Variants in HSDL2 observed in about 807,000 individuals in gnomAD.
HSDL2 encodes the protein hydroxysteroid dehydrogenase-like protein 2.
A neutral mutation model predicts 46.3 loss-of-function variants in HSDL2; 27 were observed. The ratio of observed to expected loss-of-function variants is 0.58; its 90% CI spans 0.43 to 0.80. The LOEUF is 0.80. Ranked by LOEUF, HSDL2 falls within the 30% of genes least tolerant of loss-of-function variation. HSDL2 has a pLI of 0.00. For synonymous variants in HSDL2, 153 were observed against 163.6 expected (o/e 0.94, Z 0.50); for missense variants, 451 against 502.7 (o/e 0.90, Z 0.98).
At chr9:112,446,085 A>G (rs1832753412) in intron 8 of HSDL2, among the ~76,000 whole-genome samples, 1 of 147,894 alleles carries the variant, frequency 6.8e-6, no homozygotes, top group South Asian at 2.2e-4. Flanking sequence ...CCTGTGGCAC[A>G]TTATTTTTTT....
At chr9:112,442,160 T>G (rs1832652636) in intron 8 of HSDL2, among the ~76,000 whole-genome samples, 1 of 150,122 alleles carries the variant, frequency 6.7e-6, no homozygotes, top group African/African-American at 2.5e-5. Context: ...TCCCAGCTAC[T>G]CAGGAGGCTG....
chr9:112,415,059 C>G (rs1190291252), intron 4 of HSDL2, among the ~76,000 whole-genome samples: 1 of 151,892 alleles, frequency 6.6e-6, no homozygotes, highest in African/African-American at 2.4e-5. Flanking sequence ...ATAAATTAAG[C>G]TATAATATAT....
At chr9:112,438,680 A>G in intron 7 of HSDL2, 55 bp downstream of exon 7, 1 of 1,038,448 alleles carries the variant, frequency 9.6e-7, no homozygotes, top group Non-Finnish European at 1.4e-6. Context: ...ATTTTCTGCA[A>G]TGAACATATC....
intron 3 of HSDL2, among the ~76,000 whole-genome samples, chr9:112,408,282 C>G (rs1033975272): frequency 6.6e-6 from 1 of 152,006 alleles, no homozygotes; most frequent in Non-Finnish European, 1.5e-5. Context: ...GAGGGACAAC[C>G]AGGAGGTAAG....
intron 1 of HSDL2, among the ~76,000 whole-genome samples, chr9:112,387,550 A>G (rs1005836428): frequency 1.3e-5 from 2 of 152,070 alleles, no homozygotes; most frequent in Admixed American, 6.6e-5. Context: ...TGCTTTCACA[A>G]TTTAGTAGTT....
At position 112,470,693 on chromosome 9, in the gene HSDL2, G is replaced by A. The variant is rs1281234046; in HGVS notation, c.*149G>A. The A allele has an allele frequency of 7.8e-6, 4 of 515,890 alleles. No homozygotes were observed. The highest frequency in any genetic ancestry group is 1.4e-5 in the Non-Finnish European group (4 of 293,578). The allele number at this position is 515,890 out of a possible 1,614,324, so 32.0% of individuals were successfully genotyped here. ...GATAGAATTTGTCTCTAAAAGACTT[G>A]AAATTGTAATTAAAATGGCAAGCTA... On this transcript the variant is annotated 3_prime_UTR_variant, in exon 11 of 11. Transcript: ENST00000398805.
rs114855596 is a variant in HSDL2, at chr9:112,441,410, T to C, written c.794-289T>C. Reference sequence around the variant, plus strand: ...GGAAGAATGTGGGCCAGAAGAGCAGTGTAGGATGAGAAGGGCAGAGGTTCC... The same window carrying C: ...GGAAGAATGTGGGCCAGAAGAGCAGCGTAGGATGAGAAGGGCAGAGGTTCC... On this transcript the variant is annotated intron_variant, in intron 7 of 10. Coordinates refer to ENST00000398805, the MANE Select transcript of HSDL2 (RefSeq NM_032303.5). 6.9e-3 allele frequency among the ~76,000 whole-genome samples: 1,048 copies of C among 152,044 alleles called. 16 individuals carry two copies. The highest frequency in any genetic ancestry group is 0.024 in the African/African-American group (984 of 41,480).
intron 4 of HSDL2, among the ~76,000 whole-genome samples, chr9:112,415,959 T>A (rs1167219517): frequency 6.6e-6 from 1 of 151,998 alleles, no homozygotes; most frequent in Non-Finnish European, 1.5e-5. Flanking sequence ...ATACAAAACA[T>A]TAGCCGGACG....
intron 6 of HSDL2, among the ~76,000 whole-genome samples, chr9:112,428,318 C>G (rs1307382713): frequency 6.6e-6 from 1 of 152,234 alleles, no homozygotes; most frequent in Middle Eastern, 3.2e-3. Flanking sequence ...CCTTTCTTCC[C>G]TGGTCCTCAC....
chr9:112,387,300 A>G (rs910134216), intron 1 of HSDL2, among the ~76,000 whole-genome samples: 1 of 151,434 alleles, frequency 6.6e-6, no homozygotes, highest in Non-Finnish European at 1.5e-5. Flanking sequence ...GCTCACTGCA[A>G]CCTCCGTGTC....
chr9:112,407,368 G>A (rs1395420576), intron 3 of HSDL2, among the ~76,000 whole-genome samples: 1 of 152,142 alleles, frequency 6.6e-6, no homozygotes, highest in East Asian at 1.9e-4. Context: ...AGGACGTAAG[G>A]GGAGAAAGCT....
At chr9:112,388,120 C>T (rs763970034) in intron 1 of HSDL2, among the ~76,000 whole-genome samples, 37 of 151,298 alleles carry the variant, frequency 2.4e-4, no homozygotes, top group Non-Finnish European at 4.3e-4. Flanking sequence ...GATTGCACCA[C>T]TGTACTTCAG....
chr9:112,424,533 C>T (rs1431355231), intron 6 of HSDL2, among the ~76,000 whole-genome samples: 1 of 151,668 alleles, frequency 6.6e-6, no homozygotes, highest in Non-Finnish European at 1.5e-5. Flanking sequence ...TGCTTTACTG[C>T]ACTCTCCTCT....
chr9:112,414,432 T>G (rs1248725779), intron 4 of HSDL2, among the ~76,000 whole-genome samples: 2 of 152,202 alleles, frequency 1.3e-5, no homozygotes, highest in African/African-American at 4.8e-5. Flanking sequence ...AACGTAACTA[T>G]TTTATTCGGC....
chr9:112,406,093 G>A (rs891013019), intron 3 of HSDL2, among the ~76,000 whole-genome samples: 38 of 151,840 alleles, frequency 2.5e-4, no homozygotes, highest in African/African-American at 8.9e-4. Flanking sequence ...CCTGGGAGGT[G>A]GAGGTTGCAG....
In HSDL2 at chr9:112,390,072, A is replaced by G. The variant is rs1366929728; in HGVS notation, c.17+9892A>G. On this transcript the variant is annotated intron_variant, in intron 1 of 10. Coordinates refer to ENST00000398805, the MANE Select transcript of HSDL2 (RefSeq NM_032303.5). ...AGAGTGAGACTCTGTCTCAAAATAA[A>G]TAAATAAATAAATAAATAAATAAAT... Among the ~76,000 whole-genome samples, 29 of 148,306 alleles carry G rather than the reference A, an allele frequency of 2.0e-4. 1 individual carries two copies. The highest frequency in any genetic ancestry group is 1.0e-3 in the East Asian group (4 of 3,982).
chr9:112,433,413 T>C (rs1004389267), intron 6 of HSDL2, among the ~76,000 whole-genome samples: 6 of 152,134 alleles, frequency 3.9e-5, no homozygotes, highest in African/African-American at 1.2e-4. Flanking sequence ...GATGGTCTTG[T>C]CTGCCAAGTT....
chr9:112,459,950 G>A (rs1422076206), intron 10 of HSDL2, among the ~76,000 whole-genome samples: 1 of 152,174 alleles, frequency 6.6e-6, no homozygotes, highest in Non-Finnish European at 1.5e-5. Context: ...ATTGGGAGTA[G>A]GGTTGTGCTT....
Position 112,453,977 on chromosome 9 carries a change from A to G in HSDL2, c.866-36A>G, listed in dbSNP as rs143216878. 2.3e-3 allele frequency: 3,673 copies of G among 1,594,404 alleles called. 6 individuals carry two copies. The highest frequency in any genetic ancestry group is 3.8e-3 in the Admixed American group (213 of 56,780). On this transcript the variant is annotated intron_variant, in intron 8 of 10. Transcript: ENST00000398805. ...TTCTGTGTGGGGTCCTTCACTGCCA[A>G]GCATTAAGGTCATTTGCTTCAATAA...
Sources: allele counts gnomAD v4.1 joint callset (sites outside exome capture counted in the v4.1 genomes callset), GRCh38; gene constraint gnomAD v4.1.1; transcripts MANE v1.5; gene names NCBI Gene and HGNC (gene_info 2026-07-23, HGNC 2026-07-21).